The following LDAH variants were observed in gnomAD, a reference collection of about 807,000 sequenced individuals.
The protein encoded by LDAH is lipid droplet-associated hydrolase.
In LDAH, 26 loss-of-function variants were observed where a neutral mutation model predicts 29.6. That is an observed-to-expected ratio of 0.88 (90% CI 0.64 to 1.22). The LOEUF (loss-of-function observed/expected upper bound fraction) is 1.22. Among genes scored for constraint, LDAH ranks in the 50% most tolerant of loss-of-function variants. LDAH has a pLI of 0.00. For missense variants in LDAH, 344 were observed against 387.3 expected (o/e 0.89, Z 0.94); for synonymous variants, 117 against 133.0 (o/e 0.88, Z 0.83).
chr2:20,780,575 A>G (rs1398108772), intron 3 of LDAH, among the ~76,000 whole-genome samples: 1 of 152,164 alleles, frequency 6.6e-6, no homozygotes, highest in East Asian at 1.9e-4. Context: ...TTGGGTATAA[A>G]TGAAGTAGGA....
At chr2:20,794,081 A>G (rs1017083516) in intron 2 of LDAH, among the ~76,000 whole-genome samples, 3 of 152,170 alleles carry the variant, frequency 2.0e-5, no homozygotes, top group Admixed American at 6.5e-5. Context: ...ACAGTTCCAC[A>G]TGGCTGAGGA....
At chr2:20,748,250 C>A (rs756553714) in intron 4 of LDAH, among the ~76,000 whole-genome samples, 2 of 152,090 alleles carry the variant, frequency 1.3e-5, no homozygotes, top group African/African-American at 4.8e-5. Context: ...TATATTCAGA[C>A]CTCTGGGGCA....
rs574014907 is a variant in LDAH at position 20,724,310 on chromosome 2, C to T, written c.703+15661G>A. 2.0e-5 allele frequency among the ~76,000 whole-genome samples: 3 copies of T among 152,264 alleles called. No homozygotes were observed. In the South Asian group the frequency reaches 6.2e-4, roughly 32 times the overall value. On this transcript the variant is annotated intron_variant, in intron 5 of 6. Transcript: ENST00000237822. ...TACCTTGTATCTGATTTATGATAGC[C>T]CTATGATATATTAAAATTCTTCATA...
Position 20,684,786 on chromosome 2 carries a change from A to C in LDAH, c.*2117T>G, listed in dbSNP as rs10171934. 326,469 of 1,372,482 alleles carry C rather than the reference A, an allele frequency of 0.24. 42,601 individuals are homozygous for C. Among genetic ancestry groups the C allele is most frequent in the East Asian group, 0.5 (19,401 of 38,808 alleles). 85.0% of individuals were successfully genotyped at this position (1,372,482 alleles called of 1,614,324 possible). ...CTGCAGGAAGTTAAAACTTTCACAA[A>C]GACCATCCATGTGGTTGACTGGGAC... On this transcript the variant is annotated 3_prime_UTR_variant, in exon 7 of 7. Transcript: ENST00000237822.
Position 20,740,151 on chromosome 2 carries a change from TG to T in LDAH, c.522del (p.Asn175MetfsTer24). 1 of 1,614,126 alleles carries T rather than the reference TG, an allele frequency of 6.2e-7. No individual in the cohort carries two copies. Among genetic ancestry groups the T allele is most frequent in the South Asian group, 1.1e-5 (1 of 91,084 alleles). The part of the protein sequence containing the change: ...FPTIERMSES[P>X]NGRIATPLLC... ...AAAAGTGGAGTGGCAATTCTGCCAT[TG>T]GGTGACTCAGACATTCGTTCAATTG... On this transcript the variant is annotated frameshift_variant, in exon 5 of 7. Coordinates refer to ENST00000237822, the MANE Select transcript of LDAH (RefSeq NM_021925.4). LOFTEE classifies it high-confidence loss of function.
At chr2:20,821,627 G>A (rs1264061409) in intron 1 of LDAH, among the ~76,000 whole-genome samples, 3 of 152,238 alleles carry the variant, frequency 2.0e-5, no homozygotes, top group Non-Finnish European at 1.5e-5. Context: ...GGGGTGGGGT[G>A]AGTGGGGAGG....
chr2:20,783,523 A>T (rs529474185), intron 3 of LDAH, among the ~76,000 whole-genome samples: 2 of 152,248 alleles, frequency 1.3e-5, no homozygotes, highest in African/African-American at 2.4e-5. Flanking sequence ...AACTGGTTCT[A>T]TTATCATTAT....
intron 4 of LDAH, among the ~76,000 whole-genome samples, chr2:20,758,945 C>A (rs563642994): frequency 2.0e-5 from 3 of 152,256 alleles, no homozygotes; most frequent in East Asian, 3.9e-4. Flanking sequence ...AGAATATGTC[C>A]TTAAGTTTTT....
chr2:20,797,350 G>T (rs576341929), intron 2 of LDAH, among the ~76,000 whole-genome samples: 1 of 152,246 alleles, frequency 6.6e-6, no homozygotes, highest in African/African-American at 2.4e-5. Flanking sequence ...TAACAGACAG[G>T]TTTCCACTCT....
chr2:20,720,879 T>C (rs1665598782), intron 5 of LDAH, among the ~76,000 whole-genome samples: 1 of 152,092 alleles, frequency 6.6e-6, no homozygotes, highest in Non-Finnish European at 1.5e-5. Context: ...GAACACACAT[T>C]GGGGAAAGGA....
intron 4 of LDAH, among the ~76,000 whole-genome samples, chr2:20,760,818 C>T (rs1328358480): frequency 6.6e-6 from 1 of 152,086 alleles, no homozygotes; most frequent in African/African-American, 2.4e-5. Context: ...CTGTCTGTCA[C>T]CTTTATCATA....
chr2:20,714,125 T>C (rs950226351), intron 5 of LDAH, among the ~76,000 whole-genome samples: 9 of 152,200 alleles, frequency 5.9e-5, no homozygotes, highest in African/African-American at 1.4e-4. Context: ...GACCCCATAG[T>C]TGGAAGTAAA....
At chr2:20,707,770 C>A (rs1297641839) in intron 5 of LDAH, among the ~76,000 whole-genome samples, 2 of 152,220 alleles carry the variant, frequency 1.3e-5, no homozygotes, top group East Asian at 3.8e-4. Context: ...AACAATGCAT[C>A]CACTAGAGCA....
At chr2:20,728,129 A>G (rs1666140583) in intron 5 of LDAH, among the ~76,000 whole-genome samples, 2 of 152,248 alleles carry the variant, frequency 1.3e-5, no homozygotes, top group Non-Finnish European at 2.9e-5. Flanking sequence ...ACCAGTTTCT[A>G]TCTAGATAGG....
In LDAH at chr2:20,686,388, T is replaced by C. The variant is rs1287193087; in HGVS notation, c.*515A>G. 6.5e-6 allele frequency: 1 copy of C among 153,168 alleles called. No individual in the cohort carries two copies. Among genetic ancestry groups the C allele is most frequent in the Non-Finnish European group, 1.5e-5 (1 of 68,814 alleles). 9.5% of individuals were successfully genotyped at this position (153,168 alleles called of 1,614,324 possible). A position where few individuals can be genotyped will look rare whatever the true frequency, so the allele number is the denominator to read the frequency against. On this transcript the variant is annotated 3_prime_UTR_variant, in exon 7 of 7. Transcript: ENST00000237822. Reference sequence around the variant, plus strand: ...AGCCTGGGCTCATCTTCATCTTCTGTCTTACAGGAGACCCAGGTTCACTTC... The same window carrying C: ...AGCCTGGGCTCATCTTCATCTTCTGCCTTACAGGAGACCCAGGTTCACTTC...
chr2:20,769,996 A>G (rs1669297368), intron 4 of LDAH, among the ~76,000 whole-genome samples: 1 of 152,222 alleles, frequency 6.6e-6, no homozygotes, highest in Non-Finnish European at 1.5e-5. Flanking sequence ...AAAAAATGAA[A>G]AAGCATTATC....
In LDAH at chr2:20,736,758, C is replaced by T. The variant is rs1666819232; in HGVS notation, c.703+3213G>A. 2.0e-5 allele frequency among the ~76,000 whole-genome samples: 3 copies of T among 151,726 alleles called. No individual in the cohort carries two copies. The South Asian group carries it at 6.2e-4, about 31-fold the overall frequency. ...CAACGCAAAGGGCACTAACTTAAAT[C>T]TGCACAACAAACTTGTCTTGTGTGC... On this transcript the variant is annotated intron_variant, in intron 5 of 6. Transcript: ENST00000237822.
chr2:20,706,445 A>G (rs999903286), intron 5 of LDAH, among the ~76,000 whole-genome samples: 4 of 152,190 alleles, frequency 2.6e-5, no homozygotes, highest in Non-Finnish European at 4.4e-5. Flanking sequence ...CATTCTGTCT[A>G]CTTGAAGTCT....
At chr2:20,789,405 C>A (rs1468014217) in intron 3 of LDAH, 6 of 1,451,976 alleles carry the variant, frequency 4.1e-6, no homozygotes, top group Non-Finnish European at 4.5e-6. Context: ...GACTGGACGT[C>A]CAGTCTCAAG....
Sources: allele counts gnomAD v4.1 joint callset (sites outside exome capture counted in the v4.1 genomes callset), GRCh38; gene constraint gnomAD v4.1.1; transcripts MANE v1.5; gene names NCBI Gene and HGNC (gene_info 2026-07-23, HGNC 2026-07-21).